The following FAM199X variants were observed in gnomAD, a reference collection of about 807,000 sequenced individuals.
FAM199X encodes the protein family with sequence similarity 199, X-linked, also known as protein FAM199X.
FAM199X carries 4 observed loss-of-function variants against 22.9 expected under a neutral mutation model. That is an observed-to-expected ratio of 0.17 (90% CI 0.09 to 0.40). The LOEUF is 0.40. FAM199X is among the 10% of genes least tolerant of loss of function. FAM199X has a pLI of 1.00. For missense variants in FAM199X, 183 were observed against 306.8 expected, an observed-to-expected ratio of 0.60 and a Z score of 3.01; for synonymous variants, 101 against 112.3, an observed-to-expected ratio of 0.90 and a Z score of 0.64.
At chrX:104,188,832 G>A (rs782568600) in intron 5 of FAM199X, among the ~76,000 whole-genome samples, 141 of 111,006 alleles carry the variant, frequency 1.3e-3, no homozygotes, top group African/African-American at 4.3e-3. Context: ...AAAAAAGAAG[G>A]TATAAGTATA....
intron 1 of FAM199X, among the ~76,000 whole-genome samples, chrX:104,167,869 G>T (rs1200387817): frequency 9.2e-6 from 1 of 108,485 alleles, no homozygotes; most frequent in East Asian, 2.9e-4. Flanking sequence ...AACATAGGTG[G>T]ATATTTGAGA....
At chrX:104,181,776 T>C (rs182605501) in intron 2 of FAM199X, among the ~76,000 whole-genome samples, 38 of 111,050 alleles carry the variant, frequency 3.4e-4, no homozygotes, top group African/African-American at 1.2e-3. Flanking sequence ...CATTTTTTTC[T>C]TATATGTAAA....
At chrX:104,159,911 T>G in the FAM199X span, among the ~76,000 whole-genome samples, 1 of 112,235 alleles carries the variant, frequency 8.9e-6, no homozygotes, top group Non-Finnish European at 1.9e-5. Context: ...TTCTGTGGTG[T>G]AAATCCTACT....
intron 2 of FAM199X, 82 bp from the exon 3 acceptor site, chrX:104,185,984 G>T: frequency 1.0e-6 from 1 of 959,806 alleles, no homozygotes. Context: ...TTTAATCGAT[G>T]TGGAAAATAT....
In FAM199X at chrX:104,172,348, G is replaced by T. The variant is rs1921377667; in HGVS notation, c.198-3275G>T. ...GTGAGAGGATGAATCAAGCCCAGGA[G>T]GTCAAGCCTGCAGTGAGCCATGGTC... is the stretch of plus-strand genomic sequence containing the variant. On this transcript the variant is annotated intron_variant, in intron 1 of 5. Coordinates refer to ENST00000493442, the MANE Select transcript of FAM199X (RefSeq NM_207318.4). Among the ~76,000 whole-genome samples the T allele has an allele frequency of 2.8e-5, 3 of 108,076 alleles. No individual in the cohort carries two copies. In the Admixed American group the frequency reaches 3.0e-4, roughly 11 times the overall value. The allele number at this position is 108,076 out of a possible 115,157, so 93.9% of individuals were successfully genotyped here.
At chrX:104,168,473 A>T (rs1320362505) in intron 1 of FAM199X, among the ~76,000 whole-genome samples, 4 of 112,508 alleles carry the variant, frequency 3.6e-5, no homozygotes, top group African/African-American at 1.3e-4. Context: ...CATGAAATCA[A>T]GTGTGCTTAG....
At chrX:104,165,093 A>G (rs1327276737), upstream of FAM199X, among the ~76,000 whole-genome samples, 1 of 111,476 alleles carries the variant, frequency 9.0e-6, no homozygotes, top group Non-Finnish European at 1.9e-5. Context: ...TAGGGACCAT[A>G]GAACAAACCA....
intron 2 of FAM199X, among the ~76,000 whole-genome samples, chrX:104,180,058 G>A (rs1243457992): frequency 9.6e-6 from 1 of 104,128 alleles, no homozygotes; most frequent in Non-Finnish European, 2.0e-5. Flanking sequence ...GGTCACTGCA[G>A]AATTGACCTC....
At chrX:104,164,124 C>T (rs974772109), upstream of FAM199X, among the ~76,000 whole-genome samples, 2 of 112,737 alleles carry the variant, frequency 1.8e-5, no homozygotes, top group Admixed American at 1.9e-4. Flanking sequence ...AAATTGTGCA[C>T]AAACTTTTTT....
upstream of FAM199X, among the ~76,000 whole-genome samples, chrX:104,164,159 T>C (rs782123425): frequency 1.4e-4 from 16 of 112,639 alleles, no homozygotes; most frequent in Admixed American, 2.8e-4. Context: ...ATGTGGTATA[T>C]ATGATGAAAC....
Position 104,188,154 on chromosome X carries a change from G to T in FAM199X, c.844G>T (p.Ala282Ser). 8.3e-7 allele frequency: 1 copy of T among 1,211,742 alleles called. No homozygotes were observed. The highest frequency in any genetic ancestry group is 1.1e-6 in the Non-Finnish European group (1 of 895,582). Reference sequence around the variant, plus strand: ...TGGAGTGAGCGGTGCCAGTGCCAGCGCCAGCAGCAGCAGTGCCAGCATGGT... The same window carrying T: ...TGGAGTGAGCGGTGCCAGTGCCAGCTCCAGCAGCAGCAGTGCCAGCATGGT... ...TSGVSGASAS[A>S]SSSSASMVSS... Residue 282 changes from alanine (A) to serine (S), a missense_variant, in exon 5 of 6, where the codon GCC (alanine) becomes TCC (serine). Ala to Ser is a moderately conservative substitution (Grantham distance 99). Coordinates refer to ENST00000493442, the MANE Select transcript of FAM199X (RefSeq NM_207318.4).
chrX:104,182,729 C>T (rs1921693572), intron 2 of FAM199X, among the ~76,000 whole-genome samples: 1 of 111,651 alleles, frequency 9.0e-6, no homozygotes, highest in Non-Finnish European at 1.9e-5. Flanking sequence ...AACCCAGGCA[C>T]TTTAGCAACA....
intron 1 of FAM199X, 149 bp downstream of exon 1, chrX:104,167,131 C>G: frequency 2.1e-6 from 1 of 470,985 alleles, no homozygotes; most frequent in South Asian, 4.3e-5. Flanking sequence ...CCTGCCCCCC[C>G]TCCCTATTTT....
At position 104,190,043 on chromosome X, in the gene FAM199X, G is replaced by A. The variant is rs1921898721; in HGVS notation, c.*265G>A. On this transcript the variant is annotated 3_prime_UTR_variant, in exon 6 of 6. Coordinates refer to ENST00000493442, the MANE Select transcript of FAM199X (RefSeq NM_207318.4). Reference sequence around the variant, plus strand: ...GCGCCTAGCATTGTTTTTTTAACAAGTGCTGGGTTATTCTGATGCACAGTC... The same window carrying A: ...GCGCCTAGCATTGTTTTTTTAACAAATGCTGGGTTATTCTGATGCACAGTC... 3.4e-6 allele frequency: 1 copy of A among 298,105 alleles called. No homozygotes were observed. Among genetic ancestry groups the A allele is most frequent in the South Asian group, 6.8e-5 (1 of 14,710 alleles). 24.6% of individuals were successfully genotyped at this position (298,105 alleles called of 1,213,427 possible). A position where few individuals can be genotyped will look rare whatever the true frequency, so the allele number is the denominator to read the frequency against.
intron 1 of FAM199X, among the ~76,000 whole-genome samples, chrX:104,174,470 A>T (rs1248301203): frequency 9.0e-6 from 1 of 111,431 alleles, no homozygotes; most frequent in Non-Finnish European, 1.9e-5. Context: ...ATCCTTAGAA[A>T]TGTTCATATT....
chrX:104,179,352 C>T (rs1230481461), intron 2 of FAM199X, among the ~76,000 whole-genome samples: 2 of 111,842 alleles, frequency 1.8e-5, no homozygotes, highest in Admixed American at 9.5e-5. Flanking sequence ...AAGTCTTACA[C>T]TCTCTTGGTT....
In FAM199X at chrX:104,195,346, T is replaced by G. The variant is rs1922033854; in HGVS notation, c.*5568T>G. 1 of 111,623 alleles carries G rather than the reference T, an allele frequency of 9.0e-6. No homozygotes were observed. Among genetic ancestry groups the G allele is most frequent in the Non-Finnish European group, 1.9e-5 (1 of 53,126 alleles). 9.2% of individuals were successfully genotyped at this position (111,623 alleles called of 1,213,427 possible). A position where few individuals can be genotyped will look rare whatever the true frequency, so the allele number is the denominator to read the frequency against. On this transcript the variant is annotated 3_prime_UTR_variant, in exon 6 of 6. Transcript: ENST00000493442. ...GCTCCCTTTTCTGTTTCTCACAGTT[T>G]GGTTATGGCTTTATAAACTTTTATT...
At position 104,166,909 on chromosome X, in the gene FAM199X, G is replaced by C; in HGVS notation, c.124G>C (p.Asp42His). ...TCPSEEPGCLDISDFGCQLSS... is the reference protein window; with the variant it reads ...TCPSEEPGCLHISDFGCQLSS... The stretch of plus-strand genomic sequence containing the variant: ...CCCGAGCGAGGAGCCGGGCTGCCTG[G>C]ACATCAGCGACTTCGGCTGCCAGCT... The change falls in exon 1 of 6, where the codon GAC becomes CAC. Residue 42 changes from aspartate to histidine, a missense_variant. Coordinates refer to ENST00000493442, the MANE Select transcript of FAM199X (RefSeq NM_207318.4). 8.3e-7 allele frequency: 1 copy of C among 1,201,114 alleles called. No individual in the cohort carries two copies. Among genetic ancestry groups the C allele is most frequent in the Non-Finnish European group, 1.1e-6 (1 of 889,896 alleles).
intron 1 of FAM199X, among the ~76,000 whole-genome samples, chrX:104,172,802 C>A (rs1921392032): frequency 9.1e-6 from 1 of 109,945 alleles, no homozygotes; most frequent in Non-Finnish European, 1.9e-5. Context: ...AATTATCTAA[C>A]AGTTTTTCCT....
Sources: allele counts gnomAD v4.1 joint callset (sites outside exome capture counted in the v4.1 genomes callset), GRCh38; gene constraint gnomAD v4.1.1; transcripts MANE v1.5; gene names NCBI Gene and HGNC (gene_info 2026-07-23, HGNC 2026-07-21).